Variants in MGAT4C observed in about 807,000 individuals in gnomAD.
The protein encoded by MGAT4C is MGAT4 family member C, also known as alpha-1,3-mannosyl-glycoprotein 4-beta-N-acetylglucosaminyltransferase C.
In MGAT4C, 19 loss-of-function variants were observed where a neutral mutation model predicts 40.1. That is an observed-to-expected ratio of 0.47 (90% CI 0.33 to 0.70). MGAT4C has a LOEUF of 0.70. Among genes scored for constraint, MGAT4C ranks in the 30% least tolerant of loss-of-function variants. The pLI, the probability that MGAT4C is intolerant of heterozygous loss-of-function variation, is 0.02. For missense variants in MGAT4C, 491 were observed against 563.2 expected (o/e 0.87, Z 1.30); for synonymous variants, 181 against 187.1 (o/e 0.97, Z 0.27).
chr12:86,043,629 C>G (rs1892089396), intron 2 of MGAT4C, among the ~76,000 whole-genome samples: 1 of 152,230 alleles, frequency 6.6e-6, no homozygotes, highest in South Asian at 2.1e-4. Context: ...ATCACCCTCA[C>G]AGACACACAC....
intron 2 of MGAT4C, among the ~76,000 whole-genome samples, chr12:86,667,759 T>C (rs1443340047): frequency 6.6e-6 from 1 of 152,224 alleles, no homozygotes; most frequent in Admixed American, 6.5e-5. Context: ...ATTTCCAACA[T>C]TTAAAAACTG....
intron 2 of MGAT4C, among the ~76,000 whole-genome samples, chr12:86,039,195 T>A (rs1425672081): frequency 6.6e-6 from 1 of 152,172 alleles, no homozygotes; most frequent in Non-Finnish European, 1.5e-5. Flanking sequence ...TGATTATGTG[T>A]CTTGGGGTTG....
In MGAT4C at chr12:86,263,468, G is replaced by A. The variant is rs576262713; in HGVS notation, c.-57+70597C>T. Among the ~76,000 whole-genome samples the A allele has an allele frequency of 2.6e-5, 4 of 152,162 alleles. No homozygotes were observed. The South Asian group carries it at 8.3e-4, about 32-fold the overall frequency. ...TCTGACATATTTCATTTCAGATAAT[G>A]TCCTCCAATTTTGTCCATGTTGCTG... On this transcript the variant is annotated intron_variant, in intron 4 of 7. Coordinates refer to the MGAT4C transcript ENST00000548651.
chr12:86,151,573 G>A (rs1174218905), intron 1 of MGAT4C, among the ~76,000 whole-genome samples: 2 of 151,712 alleles, frequency 1.3e-5, no homozygotes, highest in Non-Finnish European at 2.9e-5. Context: ...TCCAGCCTGG[G>A]CAACAGAGCG....
At chr12:86,503,843 G>T (rs1361171149) in intron 2 of MGAT4C, among the ~76,000 whole-genome samples, 7 of 102,132 alleles carry the variant, frequency 6.9e-5, no homozygotes, top group African/African-American at 1.4e-4. Flanking sequence ...GCTAAATTTT[G>T]CTACAAACTT....
At chr12:86,323,643 G>A (rs4378459) in intron 4 of MGAT4C, among the ~76,000 whole-genome samples, 14,653 of 151,606 alleles carry the variant, frequency 0.097, 1,717 homozygotes, top group East Asian at 0.29. Context: ...TATAACTACC[G>A]TAGTAAATAC....
chr12:86,619,495 T>C (rs958897577), intron 2 of MGAT4C, among the ~76,000 whole-genome samples: 1 of 152,094 alleles, frequency 6.6e-6, no homozygotes, highest in African/African-American at 2.4e-5. Flanking sequence ...TTCACAAATG[T>C]ACTCTCAACA....
At chr12:86,730,592 G>T (rs570399827) in intron 1 of MGAT4C, among the ~76,000 whole-genome samples, 1 of 152,130 alleles carries the variant, frequency 6.6e-6, no homozygotes, top group South Asian at 2.1e-4. Flanking sequence ...AAAAAGATCA[G>T]ATGAGCAATT....
At chr12:86,519,043 T>C (rs1316001297) in intron 2 of MGAT4C, among the ~76,000 whole-genome samples, 2 of 152,188 alleles carry the variant, frequency 1.3e-5, no homozygotes, top group African/African-American at 2.4e-5. Flanking sequence ...TAAGTCTGAA[T>C]GGAAGGCGGA....
At chr12:86,073,239 T>C (rs936632813) in intron 1 of MGAT4C, among the ~76,000 whole-genome samples, 1 of 152,204 alleles carries the variant, frequency 6.6e-6, no homozygotes, top group African/African-American at 2.4e-5. Flanking sequence ...GCCTTTCACC[T>C]TCTGCCACAA....
intron 4 of MGAT4C, among the ~76,000 whole-genome samples, chr12:86,326,321 C>A (rs1043608065): frequency 2.0e-5 from 3 of 151,636 alleles, no homozygotes; most frequent in Non-Finnish European, 2.9e-5. Context: ...CACACACACA[C>A]ACACACACAC....
At chr12:86,069,408 C>T (rs1234674084) in intron 1 of MGAT4C, among the ~76,000 whole-genome samples, 1 of 152,084 alleles carries the variant, frequency 6.6e-6, no homozygotes, top group Non-Finnish European at 1.5e-5. Flanking sequence ...TCCAAGCTAA[C>T]AGTAAATTAA....
intron 2 of MGAT4C, among the ~76,000 whole-genome samples, chr12:86,023,436 T>C (rs1281885290): frequency 2.6e-5 from 4 of 151,590 alleles, no homozygotes; most frequent in Non-Finnish European, 5.9e-5. Flanking sequence ...TGATTCCAAA[T>C]TCCAGAAACC....
intron 2 of MGAT4C, among the ~76,000 whole-genome samples, chr12:86,726,622 G>T (rs1350034044): frequency 6.6e-6 from 1 of 152,084 alleles, no homozygotes; most frequent in African/African-American, 2.4e-5. Context: ...TTAATTGGAT[G>T]TTTGTTAATA....
chr12:86,526,569 C>A (rs927691711), intron 2 of MGAT4C, among the ~76,000 whole-genome samples: 3 of 152,074 alleles, frequency 2.0e-5, no homozygotes, highest in African/African-American at 7.2e-5. Context: ...GGCTGCCCTG[C>A]ATGCAGGAGT....
intron 1 of MGAT4C, among the ~76,000 whole-genome samples, chr12:86,052,255 A>T (rs1033381945): frequency 6.6e-6 from 1 of 151,718 alleles, no homozygotes; most frequent in Non-Finnish European, 1.5e-5. Context: ...AGAGGGCCCC[A>T]AATTTTTTCA....
At chr12:86,077,652 T>G (rs905547765) in intron 1 of MGAT4C, among the ~76,000 whole-genome samples, 8 of 152,196 alleles carry the variant, frequency 5.3e-5, no homozygotes, top group Non-Finnish European at 1.0e-4. Context: ...TCATAGTTTT[T>G]TCCTGATGGA....
chr12:86,379,666 TA>T (rs1381027447), intron 3 of MGAT4C, among the ~76,000 whole-genome samples: 1 of 152,120 alleles, frequency 6.6e-6, no homozygotes, highest in Admixed American at 6.6e-5. Flanking sequence ...TTACATTCTA[TA>T]TAAAACAATA....
intron 1 of MGAT4C, among the ~76,000 whole-genome samples, chr12:86,755,306 C>T (rs956810950): frequency 1.3e-5 from 2 of 152,114 alleles, no homozygotes; most frequent in African/African-American, 2.4e-5. Flanking sequence ...ATATGAGCCA[C>T]CTCCTTACAA....
Sources: gnomAD v4.1 joint callset for allele counts (sites outside exome capture counted in the v4.1 genomes callset) on GRCh38, gnomAD v4.1.1 for gene constraint, MANE v1.5 for transcripts, NCBI Gene and HGNC (gene_info 2026-07-23, HGNC 2026-07-21) for gene names.